The following WWOX variants were observed in gnomAD, a reference collection of about 807,000 sequenced individuals.
WWOX encodes WW domain containing oxidoreductase.
WWOX carries 69 observed loss-of-function variants against 46.2 expected under a neutral mutation model. That is an observed-to-expected ratio of 1.49 (90% confidence interval 1.23 to 1.82). The LOEUF is 1.82. Among genes scored for constraint, WWOX ranks in the 40% most tolerant of loss-of-function variants. WWOX has a pLI of 0.00. For missense variants in WWOX, 919 were observed against 542.6 expected (o/e 1.69, Z -6.89); for synonymous variants, 359 against 202.6 (o/e 1.77, Z -6.56).
intron 8 of WWOX, among the ~76,000 whole-genome samples, chr16:79,173,835 G>C (rs1196366780): frequency 6.6e-6 from 1 of 152,056 alleles, no homozygotes; most frequent in Non-Finnish European, 1.5e-5. Context: ...GATACTCTCT[G>C]ACTAGAACTA....
At chr16:78,737,571 T>C (rs966863410) in intron 8 of WWOX, among the ~76,000 whole-genome samples, 1 of 152,144 alleles carries the variant, frequency 6.6e-6, no homozygotes, top group East Asian at 1.9e-4. Flanking sequence ...ATGTAGTCTT[T>C]TATTCCTCAC....
intron 8 of WWOX, among the ~76,000 whole-genome samples, chr16:78,966,577 A>C (rs953390059): frequency 2.6e-5 from 4 of 152,178 alleles, no homozygotes; most frequent in Non-Finnish European, 5.9e-5. Context: ...CCTTACTATA[A>C]GTAAGGCTAA....
At chr16:78,734,941 C>G (rs529950453) in intron 8 of WWOX, among the ~76,000 whole-genome samples, 2 of 137,022 alleles carry the variant, frequency 1.5e-5, no homozygotes, top group Admixed American at 8.2e-5. Flanking sequence ...TCTCAGCTCA[C>G]TACAACCTCA....
At chr16:78,836,673 G>C (rs1362221315) in intron 8 of WWOX, among the ~76,000 whole-genome samples, 1 of 152,168 alleles carries the variant, frequency 6.6e-6, no homozygotes, top group Non-Finnish European at 1.5e-5. Context: ...GCGGGGTGTA[G>C]AAAATGACAT....
chr16:78,483,654 C>G (rs981837269), intron 8 of WWOX, among the ~76,000 whole-genome samples: 12 of 152,136 alleles, frequency 7.9e-5, no homozygotes, highest in African/African-American at 2.7e-4. Context: ...AATATTTCAT[C>G]TGTTTCACTT....
intron 8 of WWOX, among the ~76,000 whole-genome samples, chr16:78,596,935 A>T (rs763590673): frequency 6.6e-5 from 10 of 152,158 alleles, no homozygotes; most frequent in Non-Finnish European, 1.2e-4. Context: ...TATCCTCAAT[A>T]AACATGCGGT....
At chr16:79,083,586 T>C (rs1259679587) in intron 8 of WWOX, among the ~76,000 whole-genome samples, 4 of 152,228 alleles carry the variant, frequency 2.6e-5, no homozygotes, top group Non-Finnish European at 5.9e-5. Flanking sequence ...CGCGTATGGC[T>C]GCAACATCCT....
intron 8 of WWOX, among the ~76,000 whole-genome samples, chr16:78,666,463 C>G (rs1210468779): frequency 6.6e-6 from 1 of 152,156 alleles, no homozygotes; most frequent in Non-Finnish European, 1.5e-5. Flanking sequence ...CCTATTTTTA[C>G]AAAGTTTGAA....
chr16:78,877,500 A>C (rs1597095525), intron 8 of WWOX, among the ~76,000 whole-genome samples: 1 of 152,128 alleles, frequency 6.6e-6, no homozygotes, highest in South Asian at 2.1e-4. Context: ...GCTGTTTCTC[A>C]CCACTCACTA....
chr16:79,143,403 T>C (rs1158851622), intron 8 of WWOX, among the ~76,000 whole-genome samples: 2 of 152,228 alleles, frequency 1.3e-5, no homozygotes, highest in Non-Finnish European at 2.9e-5. Flanking sequence ...TCAATCATTG[T>C]AACAGCTGCA....
At chr16:79,006,575 G>C (rs959151325) in intron 8 of WWOX, among the ~76,000 whole-genome samples, 1 of 151,286 alleles carries the variant, frequency 6.6e-6, no homozygotes, top group Non-Finnish European at 1.5e-5. Context: ...TTCAATTGCT[G>C]CTGTAACCAA....
At chr16:78,371,916 T>C (rs557177903) in intron 5 of WWOX, among the ~76,000 whole-genome samples, 163 of 152,308 alleles carry the variant, frequency 1.1e-3, no homozygotes, top group African/African-American at 3.9e-3. Flanking sequence ...CTTAACACAA[T>C]GGTAATTTAT....
chr16:79,157,454 C>T (rs1474320754), intron 8 of WWOX, among the ~76,000 whole-genome samples: 1 of 151,332 alleles, frequency 6.6e-6, no homozygotes, highest in Non-Finnish European at 1.5e-5. Flanking sequence ...ACCACAAAAC[C>T]ATACCTTCTT....
chr16:78,525,862 A>T (rs1041600538), intron 8 of WWOX: 1 of 137,606 alleles, frequency 7.3e-6, no homozygotes, highest in African/African-American at 2.6e-5. Context: ...AAAAAAAAAA[A>T]GGGCAAGGGG....
intron 5 of WWOX, among the ~76,000 whole-genome samples, chr16:78,326,570 T>G (rs995387842): frequency 2.0e-4 from 2 of 10,026 alleles, no homozygotes; most frequent in African/African-American, 3.3e-4. Flanking sequence ...CTGCCTGCCC[T>G]CCCCCCGCCC....
At chr16:78,185,158 G>A (rs1389521662) in intron 5 of WWOX, among the ~76,000 whole-genome samples, 2 of 152,172 alleles carry the variant, frequency 1.3e-5, no homozygotes, top group African/African-American at 4.8e-5. Context: ...TGCTGTGTGT[G>A]TGTACAAACC....
chr16:78,949,719 C>G (rs1023214425), intron 8 of WWOX, among the ~76,000 whole-genome samples: 2 of 152,204 alleles, frequency 1.3e-5, no homozygotes, highest in Non-Finnish European at 2.9e-5. Flanking sequence ...ATAGCTGTCC[C>G]TGATCTACCT....
chr16:78,575,820 T>G (rs996048168), intron 8 of WWOX, among the ~76,000 whole-genome samples: 1 of 152,178 alleles, frequency 6.6e-6, no homozygotes, highest in Non-Finnish European at 1.5e-5. Context: ...TACTTTCAGA[T>G]GGAAAATGCC....
intron 8 of WWOX, among the ~76,000 whole-genome samples, chr16:78,837,804 G>C (rs879652067): frequency 6.6e-6 from 1 of 152,104 alleles, no homozygotes; most frequent in Non-Finnish European, 1.5e-5. Flanking sequence ...GGTGTTAGGA[G>C]TCTTATATTT....
Sources: allele counts gnomAD v4.1 joint callset (sites outside exome capture counted in the v4.1 genomes callset), GRCh38; gene constraint gnomAD v4.1.1; transcripts MANE v1.5; gene names NCBI Gene and HGNC (gene_info 2026-07-23, HGNC 2026-07-21).